ABCA13: variants seen among roughly 807,000 people sequenced by gnomAD.
ABCA13 encodes ATP binding cassette subfamily A member 13.
In ABCA13, 476 loss-of-function variants were observed where a neutral mutation model predicts 478.7. That is an observed-to-expected ratio of 0.99 (90% CI 0.92 to 1.07). The LOEUF is 1.07. Ranked by LOEUF, ABCA13 falls within the 50% of genes least tolerant of loss-of-function variation. ABCA13 has a pLI of 0.00. For synonymous variants in ABCA13, 2,252 were observed against 2,158.9 expected (o/e 1.04, Z -1.20); for missense variants, 6,060 against 5,910.6 (o/e 1.03, Z -0.83).
At chr7:48,314,783 T>G (rs1015859112) in intron 26 of ABCA13, among the ~76,000 whole-genome samples, 6 of 152,216 alleles carry the variant, frequency 3.9e-5, no homozygotes, top group African/African-American at 1.4e-4. Flanking sequence ...AACTTGTCTG[T>G]GGCCACCTCC....
At chr7:48,518,458 G>T (rs771009514) in intron 52 of ABCA13, among the ~76,000 whole-genome samples, 1 of 152,108 alleles carries the variant, frequency 6.6e-6, no homozygotes, top group Non-Finnish European at 1.5e-5. Context: ...CACTCATGAG[G>T]TTTTACCAGT....
chr7:48,451,220 ACTC>A (rs1381675577), intron 42 of ABCA13, among the ~76,000 whole-genome samples: 8 of 151,032 alleles, frequency 5.3e-5, no homozygotes, highest in Admixed American at 4.6e-4. Context: ...CTGGTCTTGA[ACTC>A]CTGACCTCAG....
chr7:48,604,042 A>C (rs1309836756), intron 58 of ABCA13, among the ~76,000 whole-genome samples: 1 of 152,034 alleles, frequency 6.6e-6, no homozygotes, highest in Non-Finnish European at 1.5e-5. Context: ...GTATTCTCTG[A>C]TGGTAGTTTG....
At chr7:48,369,071 T>C (rs1034176504) in intron 32 of ABCA13, among the ~76,000 whole-genome samples, 9 of 152,108 alleles carry the variant, frequency 5.9e-5, no homozygotes, top group African/African-American at 2.2e-4. Flanking sequence ...TCGATTATTT[T>C]TTGATTTTTT....
At chr7:48,379,911 T>G (rs555355475) in intron 35 of ABCA13, among the ~76,000 whole-genome samples, 2 of 152,368 alleles carry the variant, frequency 1.3e-5, no homozygotes, top group African/African-American at 4.8e-5. Flanking sequence ...AGATCCATTT[T>G]CTGTCTTACA....
At chr7:48,459,645 A>G (rs1360461919) in intron 43 of ABCA13, among the ~76,000 whole-genome samples, 1 of 152,154 alleles carries the variant, frequency 6.6e-6, no homozygotes, top group East Asian at 1.9e-4. Context: ...TCCTACAGGG[A>G]GACTTCCTGG....
At chr7:48,590,343 A>AAG (rs144089196) in intron 57 of ABCA13, among the ~76,000 whole-genome samples, 9 of 150,562 alleles carry the variant, frequency 6.0e-5, no homozygotes, top group South Asian at 4.2e-4. Flanking sequence ...GAGAGAGAGA[A>AAG]AGAGAGAGAG....
chr7:48,347,677 G>A (rs1294641139), intron 29 of ABCA13, among the ~76,000 whole-genome samples: 1 of 152,214 alleles, frequency 6.6e-6, no homozygotes, highest in African/African-American at 2.4e-5. Flanking sequence ...TGGAGGTGGG[G>A]CTGGAAATCT....
chr7:48,606,262 A>G (rs1169583190), intron 58 of ABCA13, among the ~76,000 whole-genome samples: 2 of 152,064 alleles, frequency 1.3e-5, no homozygotes. Context: ...CTTGATGGCG[A>G]GGAGTTGTGA....
At position 48,198,437 on chromosome 7, in the gene ABCA13, C is replaced by A. The variant is rs983085586; in HGVS notation, c.287+77C>A. 5.2e-6 allele frequency: 8 copies of A among 1,531,982 alleles called. No homozygotes were observed. In the African/African-American group the frequency reaches 1.1e-4, roughly 21 times the overall value. The allele number at this position is 1,531,982 out of a possible 1,614,324, so 94.9% of individuals were successfully genotyped here. On this transcript the variant is annotated intron_variant, in intron 3 of 61. Transcript: ENST00000435803. ...GAACAGGCTTCTGCTTTTTGTAAAG[C>A]CTCAATAATTTGGGATAGGTCAGAG...
At chr7:48,401,386 G>A (rs1488470479) in intron 38 of ABCA13, among the ~76,000 whole-genome samples, 3 of 152,194 alleles carry the variant, frequency 2.0e-5, no homozygotes, top group African/African-American at 7.2e-5. Flanking sequence ...GTATTGTGAT[G>A]TGATAGAAAG....
In ABCA13 at chr7:48,229,798, T is replaced by C. The variant is rs1368353833; in HGVS notation, c.633-27T>C. 4.3e-6 allele frequency: 7 copies of C among 1,613,210 alleles called. No homozygotes were observed. The South Asian group carries it at 5.5e-5, about 13-fold the overall frequency. ...TTGTTTTGCTAACTACCCACTCATATTGCTTTTTGTTTTGTTTTGGTTCTA... is the reference window on the plus strand; with the variant it reads ...TTGTTTTGCTAACTACCCACTCATACTGCTTTTTGTTTTGTTTTGGTTCTA... On this transcript the variant is annotated intron_variant, in intron 6 of 61. Transcript: ENST00000435803.
At chr7:48,526,041 A>G (rs1363717768) in intron 54 of ABCA13, among the ~76,000 whole-genome samples, 1 of 152,074 alleles carries the variant, frequency 6.6e-6, no homozygotes, top group African/African-American at 2.4e-5. Flanking sequence ...CCTCTCTGGA[A>G]TGCAGGTCTG....
chr7:48,240,739 T>A, intron 9 of ABCA13, 128 bp from the exon 10 acceptor site: 1 of 755,698 alleles, frequency 1.3e-6, no homozygotes, highest in Middle Eastern at 4.3e-4. Flanking sequence ...TAACAGACAT[T>A]TTAATTTACC....
intron 56 of ABCA13, among the ~76,000 whole-genome samples, chr7:48,583,943 C>A (rs1788938926): frequency 6.6e-6 from 1 of 152,092 alleles, no homozygotes; most frequent in South Asian, 2.1e-4. Flanking sequence ...TATGGTTAAC[C>A]AATCCAGAAT....
intron 31 of ABCA13, among the ~76,000 whole-genome samples, chr7:48,367,483 G>A (rs565181468): frequency 2.0e-5 from 3 of 152,184 alleles, no homozygotes; most frequent in Non-Finnish European, 4.4e-5. Context: ...GAAATGGCAG[G>A]CATGGATTAA....
At chr7:48,638,518 TTTG>T (rs1423334080) in intron 59 of ABCA13, among the ~76,000 whole-genome samples, 1 of 152,198 alleles carries the variant, frequency 6.6e-6, no homozygotes, top group African/African-American at 2.4e-5. Flanking sequence ...CAAACACTGT[TTTG>T]TTGTTGTTGT....
intron 19 of ABCA13, among the ~76,000 whole-genome samples, chr7:48,284,035 T>C (rs1416030858): frequency 2.0e-5 from 3 of 152,228 alleles, no homozygotes; most frequent in Non-Finnish European, 4.4e-5. Flanking sequence ...CTAGTTGCCC[T>C]GTCCTGCAAG....
intron 38 of ABCA13, among the ~76,000 whole-genome samples, chr7:48,393,491 A>T (rs984601731): frequency 6.6e-6 from 1 of 152,190 alleles, no homozygotes; most frequent in African/African-American, 2.4e-5. Context: ...AGAAAATGTG[A>T]ATGTCATGAA....
Sources: gnomAD v4.1 joint callset for allele counts (sites outside exome capture counted in the v4.1 genomes callset) on GRCh38, gnomAD v4.1.1 for gene constraint, MANE v1.5 for transcripts, NCBI Gene and HGNC (gene_info 2026-07-23, HGNC 2026-07-21) for gene names.